Variants in ACAN observed in about 807,000 individuals in gnomAD.
The protein encoded by ACAN is aggrecan.
A neutral mutation model predicts 169.1 loss-of-function variants in ACAN; 47 were observed. The observed-to-expected ratio is 0.28, with a 90% confidence interval of 0.22 to 0.35. ACAN has a LOEUF of 0.35. ACAN is among the 10% of genes least tolerant of loss of function. The pLI is 1.00. For synonymous variants in ACAN, 1,115 were observed against 1,112.2 expected (o/e 1.00, Z -0.05); for missense variants, 2,716 against 2,759.9 (o/e 0.98, Z 0.36).
intron 1 of ACAN, among the ~76,000 whole-genome samples, chr15:88,816,679 A>G (rs1248454647): frequency 6.6e-6 from 1 of 152,166 alleles, no homozygotes; most frequent in Non-Finnish European, 1.5e-5. Context: ...GAAAAGGCAA[A>G]TTTCTCAGTC....
Position 88,860,232 on chromosome 15 carries a change from T to C in ACAN, c.6833-94T>C, listed in dbSNP as rs918661948. 6 of 868,346 alleles carry C rather than the reference T, an allele frequency of 6.9e-6. No individual in the cohort carries two copies. The African/African-American group carries it at 8.4e-5, about 12-fold the overall frequency. 53.8% of individuals were successfully genotyped at this position (868,346 alleles called of 1,614,324 possible). A position where few individuals can be genotyped will look rare whatever the true frequency, so the allele number is the denominator to read the frequency against. On this transcript the variant is annotated intron_variant, in intron 12 of 18. Coordinates refer to ENST00000560601, the MANE Select transcript of ACAN (RefSeq NM_001369268.1). ...TGACCCAAAGCCAGCCTCGTGGACT[T>C]CAGGAACCTCATGCCCCAACTTTGA...
chr15:88,866,736 C>T lies in ACAN; in HGVS notation c.6947-1480C>T, dbSNP rs1175696373. Among the ~76,000 whole-genome samples, 2 of 152,196 alleles carry T rather than the reference C, an allele frequency of 1.3e-5. No homozygotes were observed. Among genetic ancestry groups the T allele is most frequent in the Admixed American group, 6.5e-5 (1 of 15,272 alleles). ...CTAGAAGATGTCTACTATGCACCAGCGTAAGGACTCAGAGGAAACCGCCTT... is the reference window on the plus strand; with the variant it reads ...CTAGAAGATGTCTACTATGCACCAGTGTAAGGACTCAGAGGAAACCGCCTT... On this transcript the variant is annotated intron_variant, in intron 13 of 18. Transcript: ENST00000560601. The surrounding 1 kb of genome is among the most constrained non-coding windows in gnomAD (Gnocchi z 5.6).
intron 1 of ACAN, among the ~76,000 whole-genome samples, chr15:88,811,987 T>C (rs533575902): frequency 6.6e-6 from 1 of 152,328 alleles, no homozygotes; most frequent in South Asian, 2.1e-4. Flanking sequence ...GTCTCTGTTG[T>C]GACTTGTCAA....
rs762184707 is a variant in ACAN, at chr15:88,872,852, CCTT to C, written c.7303-28_7303-26del. 3.7e-6 allele frequency: 6 copies of C among 1,612,128 alleles called. No individual in the cohort carries two copies. The highest frequency in any genetic ancestry group is 5.1e-6 in the Non-Finnish European group (6 of 1,179,626). On this transcript the variant is annotated intron_variant, in intron 16 of 18. Transcript: ENST00000560601. The surrounding 1 kb of genome is among the most constrained non-coding windows in gnomAD (Gnocchi z 5.4). ...GCCAACCCGCACTGTCCTGCCCTCTCCTTACTCCTTCCCCACTCCCACCCACAG... is the reference window on the plus strand; with the variant it reads ...GCCAACCCGCACTGTCCTGCCCTCTCACTCCTTCCCCACTCCCACCCACAG...
At chr15:88,833,930 C>A (rs754841309) in intron 1 of ACAN, among the ~76,000 whole-genome samples, 1 of 152,154 alleles carries the variant, frequency 6.6e-6, no homozygotes, top group African/African-American at 2.4e-5. Context: ...GAAGAACAGG[C>A]GGGCCTTGTG....
At chr15:88,812,912 T>G (rs1356708998) in intron 1 of ACAN, among the ~76,000 whole-genome samples, 1 of 152,160 alleles carries the variant, frequency 6.6e-6, no homozygotes, top group East Asian at 1.9e-4. Context: ...CTTTTCTCCC[T>G]TGGTTCTCCA....
Position 88,871,277 on chromosome 15 carries a change from A to T in ACAN, c.7061-105A>T. 2.0e-6 allele frequency: 3 copies of T among 1,497,514 alleles called. No individual in the cohort carries two copies. The Admixed American group carries it at 5.5e-5, about 28-fold the overall frequency. The allele number at this position is 1,497,514 out of a possible 1,614,324, so 92.8% of individuals were successfully genotyped here. On this transcript the variant is annotated intron_variant, in intron 14 of 18. Coordinates refer to ENST00000560601, the MANE Select transcript of ACAN (RefSeq NM_001369268.1). This position sits in a 1 kb window ranked among gnomAD's most constrained non-coding sequence, Gnocchi z 7.8. Reference sequence around the variant, plus strand: ...CTCTCCCTTCCCTTGAGGGCACAGCATGGAAGGTGGGGTGAACGCAGGAAC... The same window carrying T: ...CTCTCCCTTCCCTTGAGGGCACAGCTTGGAAGGTGGGGTGAACGCAGGAAC...
chr15:88,860,413 G>C lies in ACAN; in HGVS notation c.6920G>C (p.Gly2307Ala). Residue 2307 changes from glycine (G) to alanine (A), a missense_variant, in exon 13 of 19, where the codon GGC becomes GCC. Physicochemically the swap from Gly to Ala is moderately conservative, Grantham distance 60. Transcript: ENST00000560601. The part of the protein sequence containing the change: ...EGHVICLCPP[G>A]YTGEHCNIDI... ...CACGTCATATGCCTGTGCCCCCCTG[G>C]CTACACTGGCGAGCACTGTAACATA... 6.2e-7 allele frequency: 1 copy of C among 1,613,618 alleles called. No individual in the cohort carries two copies. The highest frequency in any genetic ancestry group is 8.5e-7 in the Non-Finnish European group (1 of 1,179,786).
rs371065660 is a variant in ACAN, at chr15:88,840,069, C to T, written c.512C>T (p.Ala171Val). 16 of 1,602,486 alleles carry T rather than the reference C, an allele frequency of 1.0e-5. No homozygotes were observed. Among genetic ancestry groups the T allele is most frequent in the East Asian group, 2.2e-5 (1 of 44,488 alleles). Reference sequence around the variant, plus strand: ...CGCTACACCCTCGACTTTGACAGGGCGCAGCGGGCCTGCCTGCAGAACAGT... The same window carrying T: ...CGCTACACCCTCGACTTTGACAGGGTGCAGCGGGCCTGCCTGCAGAACAGT... ...STRYTLDFDR[A>V]QRACLQNSAI... is the part of the protein sequence containing the mutation. Residue 171 changes from alanine (A) to valine (V), a missense_variant, in exon 4 of 19, where the codon GCG (alanine) becomes GTG (valine). Physicochemically the swap from Ala to Val is moderately conservative, Grantham distance 64. Around this residue, in one of 3 missense-constraint regions of ACAN, gnomAD observed 1,283 missense variants for 1,281.5 expected, o/e 1.00. Transcript: ENST00000560601.
chr15:88,826,863 G>C (rs1896236865), intron 1 of ACAN, among the ~76,000 whole-genome samples: 1 of 152,114 alleles, frequency 6.6e-6, no homozygotes, highest in African/African-American at 2.4e-5. Flanking sequence ...AATGAGTAAA[G>C]CTAATGAGCG....
intron 1 of ACAN, among the ~76,000 whole-genome samples, chr15:88,813,462 T>C (rs933182948): frequency 6.6e-6 from 1 of 152,222 alleles, no homozygotes; most frequent in African/African-American, 2.4e-5. Flanking sequence ...GGCCAGCTCA[T>C]GTTCTGCCAC....
Position 88,868,100 on chromosome 15 carries a change from G to C in ACAN, c.6947-116G>C, listed in dbSNP as rs1897309319. ...CAACAGTTCTCAGGAAAACCAGCCAGTTCCCTCCCAGGGGTCTGGAGAGCA... is the reference window on the plus strand; with the variant it reads ...CAACAGTTCTCAGGAAAACCAGCCACTTCCCTCCCAGGGGTCTGGAGAGCA... On this transcript the variant is annotated intron_variant, in intron 13 of 18. Coordinates refer to ENST00000560601, the MANE Select transcript of ACAN (RefSeq NM_001369268.1). This position sits in a 1 kb window ranked among gnomAD's most constrained non-coding sequence, Gnocchi z 5.2. The C allele has an allele frequency of 1.6e-6, 1 of 621,314 alleles. No individual in the cohort carries two copies. Among genetic ancestry groups the C allele is most frequent in the African/African-American group, 1.8e-5 (1 of 54,690 alleles). The allele number at this position is 621,314 out of a possible 1,614,324, so 38.5% of individuals were successfully genotyped here. A position where few individuals can be genotyped will look rare whatever the true frequency, so the allele number is the denominator to read the frequency against.
chr15:88,828,602 G>A (rs1219413854), intron 1 of ACAN, among the ~76,000 whole-genome samples: 1 of 152,194 alleles, frequency 6.6e-6, no homozygotes. Context: ...AAACCCTTGT[G>A]CATTGCCCTG....
In ACAN at chr15:88,838,947, G is replaced by C. The variant is rs1285733229; in HGVS notation, c.355G>C (p.Glu119Gln). The stretch of plus-strand genomic sequence containing the variant: ...GGCCATCCCCAGTGACGCCACCTTG[G>C]AAGTCCAGAGCCTGCGCTCCAATGA... ...YPAIPSDATL[E>Q]VQSLRSNDSG... The change falls in exon 3 of 19, where the codon GAA (glutamate) becomes CAA (glutamine). Residue 119 changes from glutamate to glutamine, a missense_variant. Physicochemically the swap from Glu to Gln is conservative, Grantham distance 29. Around this residue, in one of 3 missense-constraint regions of ACAN, gnomAD observed 1,283 missense variants for 1,281.5 expected, o/e 1.00. Transcript: ENST00000560601. This position sits in a 1 kb window ranked among gnomAD's most constrained non-coding sequence, Gnocchi z 5.1. 1 of 1,613,882 alleles carries C rather than the reference G, an allele frequency of 6.2e-7. No homozygotes were observed. The highest frequency in any genetic ancestry group is 1.6e-4 in the Middle Eastern group (1 of 6,062).
At chr15:88,808,105 C>T (rs1353922089) in intron 1 of ACAN, among the ~76,000 whole-genome samples, 1 of 152,166 alleles carries the variant, frequency 6.6e-6, no homozygotes, top group Non-Finnish European at 1.5e-5. Flanking sequence ...AGGAGAAACA[C>T]AGGACATGGC....
At position 88,861,012 on chromosome 15, in the gene ACAN, T is replaced by G. The variant is rs1157876119; in HGVS notation, c.6946+573T>G. Among the ~76,000 whole-genome samples, 1 of 152,146 alleles carries G rather than the reference T, an allele frequency of 6.6e-6. No homozygotes were observed. Among genetic ancestry groups the G allele is most frequent in the Non-Finnish European group, 1.5e-5 (1 of 68,026 alleles). On this transcript the variant is annotated intron_variant, in intron 13 of 18. Transcript: ENST00000560601. This position sits in a 1 kb window ranked among gnomAD's most constrained non-coding sequence, Gnocchi z 6.3. Reference sequence around the variant, plus strand: ...CCCAGGCACCCACCATGAGCCTGTTTGTCCTTAGCTATGGGTGAAGCAGCC... The same window carrying G: ...CCCAGGCACCCACCATGAGCCTGTTGGTCCTTAGCTATGGGTGAAGCAGCC...
chr15:88,810,896 C>T (rs768066682), intron 1 of ACAN, among the ~76,000 whole-genome samples: 16 of 152,180 alleles, frequency 1.1e-4, no homozygotes, highest in Admixed American at 6.5e-5. Context: ...AACAGTTCCT[C>T]AGAGTGTATT....
At chr15:88,808,637 T>C (rs1414971718) in intron 1 of ACAN, among the ~76,000 whole-genome samples, 1 of 152,212 alleles carries the variant, frequency 6.6e-6, no homozygotes, top group Non-Finnish European at 1.5e-5. Context: ...AGGTGCTTGC[T>C]GCTAGCGTCT....
rs994005846 is a variant in ACAN, at chr15:88,843,697, G to T, written c.1051+49G>T. 2 of 1,518,164 alleles carry T rather than the reference G, an allele frequency of 1.3e-6. No individual in the cohort carries two copies. The highest frequency in any genetic ancestry group is 1.4e-5 in the African/African-American group (1 of 72,808). The allele number at this position is 1,518,164 out of a possible 1,614,324, so 94.0% of individuals were successfully genotyped here. A position where few individuals can be genotyped will look rare whatever the true frequency, so the allele number is the denominator to read the frequency against. On this transcript the variant is annotated intron_variant, in intron 6 of 18. Transcript: ENST00000560601. This position sits in a 1 kb window ranked among gnomAD's most constrained non-coding sequence, Gnocchi z 4.0. The stretch of plus-strand genomic sequence containing the variant: ...AGGGAGTTCATGCCACTAAAATGGG[G>T]TCCTAGAGGGAAGAGGGGATCTTGG...
Sources: allele counts gnomAD v4.1 joint callset (sites outside exome capture counted in the v4.1 genomes callset), GRCh38; gene constraint gnomAD v4.1.1; regional missense constraint gnomAD v4.1.1; non-coding constraint Gnocchi (gnomAD v3.1); transcripts MANE v1.5; gene names NCBI Gene and HGNC (gene_info 2026-07-23, HGNC 2026-07-21).